Variants in SYTL2 observed in about 807,000 individuals in gnomAD.
SYTL2 encodes synaptotagmin like 2.
In SYTL2, 165 loss-of-function variants were observed where a neutral mutation model predicts 198.7. That is an observed-to-expected ratio of 0.83 (90% CI 0.73 to 0.94). The LOEUF is 0.94. Among genes scored for constraint, SYTL2 ranks in the 40% least tolerant of loss-of-function variants. SYTL2 has a pLI of 0.00. For synonymous variants in SYTL2, 966 were observed against 917.7 expected (o/e 1.05, Z -0.95); for missense variants, 2,835 against 2,582.8 (o/e 1.10, Z -2.12).
the SYTL2 span, among the ~76,000 whole-genome samples, chr11:85,828,753 C>G: frequency 5.8e-4 from 88 of 152,336 alleles, 1 homozygote; most frequent in African/African-American, 2.0e-3. Flanking sequence ...AATGAGGATG[C>G]TAAGGCCACG....
At chr11:85,761,609 A>C (rs1006119827) in intron 1 of SYTL2, among the ~76,000 whole-genome samples, 2 of 152,220 alleles carry the variant, frequency 1.3e-5, no homozygotes, top group African/African-American at 4.8e-5. Flanking sequence ...TCCCTTCTAC[A>C]CATGTGGCGC....
At chr11:85,823,593 T>G in the SYTL2 span, among the ~76,000 whole-genome samples, 1 of 152,232 alleles carries the variant, frequency 6.6e-6, no homozygotes. Flanking sequence ...AAGTTTCCTA[T>G]TTTTAAAACA....
the SYTL2 span, among the ~76,000 whole-genome samples, chr11:85,839,232 A>G: frequency 2.6e-5 from 4 of 152,218 alleles, no homozygotes; most frequent in Non-Finnish European, 4.4e-5. Flanking sequence ...TTAAGTTATT[A>G]TTGACTGTAG....
the SYTL2 span, among the ~76,000 whole-genome samples, chr11:85,821,043 G>A: frequency 6.6e-6 from 1 of 152,204 alleles, no homozygotes; most frequent in African/African-American, 2.4e-5. Flanking sequence ...TCCTCATGAA[G>A]TGTACTTTCT....
the SYTL2 span, among the ~76,000 whole-genome samples, chr11:85,834,039 A>T: frequency 6.6e-6 from 1 of 152,094 alleles, no homozygotes; most frequent in African/African-American, 2.4e-5. Context: ...ACAGCCAGCC[A>T]AAGTTTTAAA....
the SYTL2 span, among the ~76,000 whole-genome samples, chr11:85,820,895 G>C: frequency 3.3e-5 from 5 of 152,182 alleles, no homozygotes; most frequent in Non-Finnish European, 5.9e-5. Flanking sequence ...AGACATATAA[G>C]AGTTCAGTGC....
chr11:85,834,705 G>T, the SYTL2 span, among the ~76,000 whole-genome samples: 25 of 151,832 alleles, frequency 1.6e-4, no homozygotes, highest in Non-Finnish European at 1.5e-5. Context: ...GACATTTAAG[G>T]CAGGATAGAT....
rs1591860723 is a variant in SYTL2, at chr11:85,745,703, A to C, written c.323T>G (p.Phe108Cys). The part of the protein sequence containing the change: ...SWVNNVNKDA[F>C]LPPELAGVVE... ...AACGCCAGCCAGCTCTGGAGGAAGG[A>C]AAGCATCTTTGTTGACATTATTCAC... The change falls in exon 4 of 20, where the codon TTC becomes TGC. Residue 108 changes from phenylalanine to cysteine, a missense_variant. This residue lies in a region of SYTL2 where 2,645 missense variants were observed against 2,381.7 expected (regional missense o/e 1.11). Coordinates refer to ENST00000359152, the MANE Select transcript of SYTL2 (RefSeq NM_206927.4). 2 of 1,613,898 alleles carry C rather than the reference A, an allele frequency of 1.2e-6. No individual in the cohort carries two copies. Among genetic ancestry groups the C allele is most frequent in the South Asian group, 1.1e-5 (1 of 91,060 alleles).
chr11:85,820,020 C>T, the SYTL2 span, among the ~76,000 whole-genome samples: 1 of 152,188 alleles, frequency 6.6e-6, no homozygotes, highest in African/African-American at 2.4e-5. Flanking sequence ...ATACAAAGCG[C>T]AGATCATTTC....
chr11:85,774,342 T>C (rs1200951888), intron 1 of SYTL2, among the ~76,000 whole-genome samples: 5 of 152,178 alleles, frequency 3.3e-5, no homozygotes, highest in Non-Finnish European at 5.9e-5. Context: ...AGTTCATGGA[T>C]CTTAAGGGAC....
At chr11:85,779,828 A>C (rs1197934865) in intron 1 of SYTL2, among the ~76,000 whole-genome samples, 1 of 152,204 alleles carries the variant, frequency 6.6e-6, no homozygotes, top group Non-Finnish European at 1.5e-5. Context: ...TGTTAGGTAC[A>C]TCTCACTGAA....
chr11:85,792,163 T>C (rs536112246), intron 1 of SYTL2, among the ~76,000 whole-genome samples: 1 of 152,008 alleles, frequency 6.6e-6, no homozygotes, highest in Admixed American at 6.6e-5. Flanking sequence ...AGGTCAGACT[T>C]TGAATCACTG....
At chr11:85,721,054 C>G (rs2088243224) in intron 8 of SYTL2, 95 bp from the exon 9 acceptor site, 1 of 715,166 alleles carries the variant, frequency 1.4e-6, no homozygotes, top group African/African-American at 1.8e-5. Context: ...TGAAAAGAGA[C>G]ATTATGCTAT....
intron 14 of SYTL2, among the ~76,000 whole-genome samples, chr11:85,708,963 C>G (rs144695329): frequency 6.6e-6 from 1 of 151,020 alleles, no homozygotes; most frequent in Non-Finnish European, 1.5e-5. Context: ...CTCAGCCTCC[C>G]GAGTAGCTGG....
chr11:85,709,749 C>T (rs894562965), intron 13 of SYTL2, among the ~76,000 whole-genome samples: 16 of 152,148 alleles, frequency 1.1e-4, no homozygotes, highest in Non-Finnish European at 2.1e-4. Flanking sequence ...GTGGCTTGAT[C>T]TCGGCTCACT....
chr11:85,766,647 A>G (rs2092246265), intron 1 of SYTL2, among the ~76,000 whole-genome samples: 2 of 152,152 alleles, frequency 1.3e-5, no homozygotes, highest in Admixed American at 1.3e-4. Flanking sequence ...CCCAGATCTC[A>G]TTCTGGAAGA....
At chr11:85,802,529 C>T (rs546082668) in intron 1 of SYTL2, among the ~76,000 whole-genome samples, 1 of 152,288 alleles carries the variant, frequency 6.6e-6, no homozygotes, top group Non-Finnish European at 1.5e-5. Flanking sequence ...TCAGCAATCT[C>T]ACAATAAGCT....
the SYTL2 span, among the ~76,000 whole-genome samples, chr11:85,847,997 C>A: frequency 6.6e-6 from 1 of 152,018 alleles, no homozygotes; most frequent in East Asian, 1.9e-4. Flanking sequence ...GAGGCTAAGG[C>A]GGGAGAATCG....
intron 1 of SYTL2, among the ~76,000 whole-genome samples, chr11:85,806,819 C>G (rs2092964895): frequency 6.6e-6 from 1 of 152,232 alleles, no homozygotes; most frequent in Non-Finnish European, 1.5e-5. Flanking sequence ...AAGAAGGACC[C>G]TCATCTGGTC....
Sources: allele counts gnomAD v4.1 joint callset (sites outside exome capture counted in the v4.1 genomes callset), GRCh38; gene constraint gnomAD v4.1.1; regional missense constraint gnomAD v4.1.1; transcripts MANE v1.5; gene names NCBI Gene and HGNC (gene_info 2026-07-23, HGNC 2026-07-21).